Variants in HS3ST4 observed in about 807,000 individuals in gnomAD.
HS3ST4 encodes the protein heparan sulfate-glucosamine 3-sulfotransferase 4.
A neutral mutation model predicts 29.2 loss-of-function variants in HS3ST4; 17 were observed. The ratio of observed to expected loss-of-function variants is 0.58; its 90% CI spans 0.40 to 0.87. The LOEUF is 0.87. HS3ST4 is among the 40% of genes least tolerant of loss of function. HS3ST4 has a pLI of 0.00. For missense variants in HS3ST4, 627 were observed against 634.5 expected, an observed-to-expected ratio of 0.99 and a Z score of 0.13; for synonymous variants, 314 against 285.7, an observed-to-expected ratio of 1.10 and a Z score of -1.00.
intron 1 of HS3ST4, among the ~76,000 whole-genome samples, chr16:25,842,020 C>G (rs540403743): frequency 6.6e-6 from 1 of 152,334 alleles, no homozygotes; most frequent in African/African-American, 2.4e-5. Flanking sequence ...GAGCCCAGCC[C>G]TACCACTACA....
intron 1 of HS3ST4, among the ~76,000 whole-genome samples, chr16:26,002,231 A>G (rs1174819581): frequency 6.6e-6 from 1 of 152,144 alleles, no homozygotes; most frequent in Middle Eastern, 3.2e-3. Flanking sequence ...AAATCTGAGG[A>G]TCATTTTTTA....
At chr16:25,936,808 A>T (rs1256800473) in intron 1 of HS3ST4, among the ~76,000 whole-genome samples, 1 of 152,246 alleles carries the variant, frequency 6.6e-6, no homozygotes, top group Non-Finnish European at 1.5e-5. Flanking sequence ...TCTGCAGAAA[A>T]CTGTGGGACT....
intron 1 of HS3ST4, among the ~76,000 whole-genome samples, chr16:25,834,789 A>G (rs1967340875): frequency 6.6e-6 from 1 of 152,164 alleles, no homozygotes; most frequent in African/African-American, 2.4e-5. Flanking sequence ...CTACCAAAAA[A>G]TACAAAAATT....
chr16:25,967,404 T>G (rs10468239), intron 1 of HS3ST4, among the ~76,000 whole-genome samples: 36,517 of 152,060 alleles, frequency 0.24, 4,741 homozygotes, highest in East Asian at 0.44. Flanking sequence ...TCCGCCCACC[T>G]CAGTCTCCCC....
intron 1 of HS3ST4, among the ~76,000 whole-genome samples, chr16:25,915,803 G>T (rs897191210): frequency 4.6e-5 from 7 of 152,178 alleles, no homozygotes; most frequent in African/African-American, 1.7e-4. Context: ...TGGTTCAATA[G>T]TCTGGGCTTC....
intron 1 of HS3ST4, among the ~76,000 whole-genome samples, chr16:25,741,658 T>C (rs146786501): frequency 6.6e-6 from 1 of 152,340 alleles, no homozygotes; most frequent in Non-Finnish European, 1.5e-5. Flanking sequence ...TACCCGGCCC[T>C]GTGCTAGTTT....
In HS3ST4 at chr16:25,749,717, A is replaced by G. The variant is rs577030165; in HGVS notation, c.734+56566A>G. On this transcript the variant is annotated intron_variant, in intron 1 of 1. Transcript: ENST00000331351. ...TACCTCATGAGATTAAGTGATTTGAATGATGTAATACATGTAAAATGGGTC... is the reference window on the plus strand; with the variant it reads ...TACCTCATGAGATTAAGTGATTTGAGTGATGTAATACATGTAAAATGGGTC... Among the ~76,000 whole-genome samples, 8 of 152,300 alleles carry G rather than the reference A, an allele frequency of 5.3e-5. 1 individual carries two copies. In the South Asian group the frequency reaches 1.5e-3, roughly 28 times the overall value.
intron 1 of HS3ST4, among the ~76,000 whole-genome samples, chr16:25,945,875 T>C (rs1315880883): frequency 1.3e-5 from 2 of 152,214 alleles, no homozygotes; most frequent in East Asian, 1.9e-4. Context: ...ATATTGATCA[T>C]TTATTGAATT....
At chr16:26,055,102 GTTT>G (rs375927986) in intron 1 of HS3ST4, among the ~76,000 whole-genome samples, 1 of 146,128 alleles carries the variant, frequency 6.8e-6, no homozygotes, top group Non-Finnish European at 1.5e-5. Context: ...TTGATGAGTT[GTTT>G]TTTTTTTTCT....
chr16:26,101,036 TCTC>T (rs1386461039), intron 1 of HS3ST4, among the ~76,000 whole-genome samples: 2 of 152,156 alleles, frequency 1.3e-5, no homozygotes, highest in Non-Finnish European at 2.9e-5. Flanking sequence ...AGCCTGGGAA[TCTC>T]CTCACTGCTA....
intron 1 of HS3ST4, among the ~76,000 whole-genome samples, chr16:25,739,608 G>A (rs890795055): frequency 6.6e-6 from 1 of 152,172 alleles, no homozygotes; most frequent in African/African-American, 2.4e-5. Flanking sequence ...TCTGAGGAGC[G>A]ATGACACTGT....
chr16:26,007,389 C>T (rs552503640), intron 1 of HS3ST4, among the ~76,000 whole-genome samples: 5 of 152,262 alleles, frequency 3.3e-5, no homozygotes, highest in South Asian at 2.1e-4. Context: ...CAGGATCATA[C>T]GGAAGTGGAT....
At chr16:25,914,142 T>C (rs1968268519) in intron 1 of HS3ST4, among the ~76,000 whole-genome samples, 1 of 149,396 alleles carries the variant, frequency 6.7e-6, no homozygotes, top group South Asian at 2.1e-4. Context: ...GGTGTTTGTA[T>C]GTGTTGTGAT....
Position 25,909,882 on chromosome 16 carries a change from T to C in HS3ST4, c.734+216731T>C, listed in dbSNP as rs575935152. On this transcript the variant is annotated intron_variant, in intron 1 of 1. Transcript: ENST00000331351. The stretch of plus-strand genomic sequence containing the variant: ...TTTGTTAGTTTAGTTTAGTTTTGTT[T>C]TTTAGAGGAGTCTTGCTGTATTGCC... 4.7e-4 allele frequency among the ~76,000 whole-genome samples: 71 copies of C among 152,276 alleles called. No homozygotes were observed. In the South Asian group the frequency reaches 0.013, roughly 28 times the overall value.
intron 1 of HS3ST4, among the ~76,000 whole-genome samples, chr16:25,708,166 A>G (rs528986598): frequency 7.9e-4 from 121 of 152,316 alleles, no homozygotes; most frequent in African/African-American, 2.8e-3. Context: ...CCTGCTATTT[A>G]AGTATGCTGC....
At position 25,735,605 on chromosome 16, in the gene HS3ST4, G is replaced by T. The variant is rs190153732; in HGVS notation, c.734+42454G>T. Among the ~76,000 whole-genome samples, 125 of 152,192 alleles carry T rather than the reference G, an allele frequency of 8.2e-4. 1 individual carries two copies. The highest frequency in any genetic ancestry group is 1.6e-3 in the Non-Finnish European group (108 of 68,004). ...GGGGTTTCACTGTGTTGCCCAGTCT[G>T]GTCTCGAACTCTTGGTCTCAAGCAG... On this transcript the variant is annotated intron_variant, in intron 1 of 1. Transcript: ENST00000331351.
At chr16:26,131,796 A>G (rs1567319424) in intron 1 of HS3ST4, among the ~76,000 whole-genome samples, 1 of 152,068 alleles carries the variant, frequency 6.6e-6, no homozygotes, top group Non-Finnish European at 1.5e-5. Flanking sequence ...CACAACAAAA[A>G]CCTAGCATTA....
intron 1 of HS3ST4, among the ~76,000 whole-genome samples, chr16:25,931,489 G>A (rs145625033): frequency 6.6e-6 from 1 of 152,222 alleles, no homozygotes; most frequent in African/African-American, 2.4e-5. Context: ...TATTGACCCA[G>A]CTGTGAGTTT....
intron 1 of HS3ST4, among the ~76,000 whole-genome samples, chr16:25,904,091 GATGAATGA>G (rs1403189253): frequency 5.9e-4 from 89 of 151,388 alleles, no homozygotes; most frequent in African/African-American, 1.9e-3. Context: ...TGGATGCATG[GATGAATGA>G]ATGGATGAAT....
Sources: gnomAD v4.1 joint callset for allele counts (sites outside exome capture counted in the v4.1 genomes callset) on GRCh38, gnomAD v4.1.1 for gene constraint, MANE v1.5 for transcripts, NCBI Gene and HGNC (gene_info 2026-07-23, HGNC 2026-07-21) for gene names.